DNTT: variants seen among roughly 807,000 people sequenced by gnomAD.
DNTT encodes DNA nucleotidylexotransferase.
Under a neutral mutation model 60.9 loss-of-function variants are expected in DNTT, and 47 were observed. The observed-to-expected ratio is 0.77, with a 90% CI of 0.61 to 0.98. The LOEUF is 0.98. Among genes scored for constraint, DNTT ranks in the 50% least tolerant of loss-of-function variants. The pLI, the probability that DNTT is intolerant of heterozygous loss-of-function variation, is 0.00. For missense variants in DNTT, 665 were observed against 627.5 expected (o/e 1.06, Z -0.64); for synonymous variants, 224 against 221.2 (o/e 1.01, Z -0.11).
chr10:96,326,996 C>T (rs1008784753), intron 6 of DNTT, among the ~76,000 whole-genome samples: 1 of 152,204 alleles, frequency 6.6e-6, no homozygotes, highest in Non-Finnish European at 1.5e-5. Flanking sequence ...AAGCAACAAG[C>T]TAAACCACCT....
At chr10:96,315,329 C>T (rs1399556037) in intron 1 of DNTT, among the ~76,000 whole-genome samples, 3 of 151,360 alleles carry the variant, frequency 2.0e-5, no homozygotes, top group African/African-American at 7.3e-5. Flanking sequence ...CTGAACTTAC[C>T]TTGTTGGGAA....
At chr10:96,334,078 A>G (rs570304077) in intron 9 of DNTT, among the ~76,000 whole-genome samples, 2 of 152,358 alleles carry the variant, frequency 1.3e-5, no homozygotes, top group Non-Finnish European at 1.5e-5. Flanking sequence ...ATATCATATT[A>G]TAACCCACAA....
At chr10:96,324,670 T>A (rs1844920242) in intron 6 of DNTT, among the ~76,000 whole-genome samples, 1 of 152,234 alleles carries the variant, frequency 6.6e-6, no homozygotes, top group South Asian at 2.1e-4. Context: ...GCCTCAGCAC[T>A]GTGTCTGACA....
chr10:96,326,608 A>G (rs1485306157), intron 6 of DNTT, among the ~76,000 whole-genome samples: 1 of 152,224 alleles, frequency 6.6e-6, no homozygotes, highest in African/African-American at 2.4e-5. Flanking sequence ...GGCAGGTGAA[A>G]TCGCAAAGAA....
In DNTT at chr10:96,304,676, G is replaced by T. The variant is rs1844612801; in HGVS notation, c.179G>T (p.Gly60Val). ...CTCATGGAGCTGGCCCGCAGGAAAG[G>T]GTTCAGGGTTGAAAATGAGCTCAGG... ...AFLMELARRK[G>V]FRVENELSDS... Residue 60 changes from glycine (G) to valine (V), a missense_variant, in exon 1 of 11, where the codon GGG becomes GTG. Physicochemically the swap from Gly to Val is moderately radical, Grantham distance 109. Coordinates refer to ENST00000371174, the MANE Select transcript of DNTT (RefSeq NM_004088.4). 2.5e-6 allele frequency: 4 copies of T among 1,614,024 alleles called. No individual in the cohort carries two copies. Among genetic ancestry groups the T allele is most frequent in the East Asian group, 4.5e-5 (2 of 44,844 alleles).
At chr10:96,312,769 G>T (rs1844736077) in intron 1 of DNTT, among the ~76,000 whole-genome samples, 1 of 152,166 alleles carries the variant, frequency 6.6e-6, no homozygotes, top group Non-Finnish European at 1.5e-5. Context: ...TGGGCCTCAG[G>T]TGCAATTCTC....
intron 9 of DNTT, among the ~76,000 whole-genome samples, chr10:96,333,969 T>G (rs1845037251): frequency 6.6e-6 from 1 of 152,196 alleles, no homozygotes; most frequent in African/African-American, 2.4e-5. Flanking sequence ...AGAGAGGATT[T>G]TTAATGTTCT....
In DNTT at chr10:96,324,385, A is replaced by G; in HGVS notation, c.870A>G (p.Lys290=). The change falls in exon 6 of 11, where the codon AAA becomes AAG. Residue 290 remains lysine (K), a synonymous_variant. Transcript: ENST00000371174. ...GCCTGAAATTTACACGAATGCAGAA[A>G]GCAGGTAAATTGTCTCTCCTAAAAG... ...DKSLKFTRMQ[K]AGFLYYEDLV... 6.2e-7 allele frequency: 1 copy of G among 1,613,766 alleles called. No homozygotes were observed. The highest frequency in any genetic ancestry group is 8.5e-7 in the Non-Finnish European group (1 of 1,179,740).
At chr10:96,316,628 T>C (rs1844789917) in intron 1 of DNTT, among the ~76,000 whole-genome samples, 1 of 152,208 alleles carries the variant, frequency 6.6e-6, no homozygotes. Context: ...TCCCTGTCCT[T>C]CTGGCCCCTG....
chr10:96,320,592 C>G, intron 3 of DNTT, 26 bp from the exon 4 acceptor site: 1 of 1,610,762 alleles, frequency 6.2e-7, no homozygotes, highest in South Asian at 1.1e-5. Context: ...AAGCAAATCT[C>G]CTGCTTATCT....
chr10:96,319,518 T>A, intron 3 of DNTT, 128 bp downstream of exon 3: 1 of 1,295,238 alleles, frequency 7.7e-7, no homozygotes, highest in Non-Finnish European at 1.1e-6. Context: ...CCTGCAGCCC[T>A]AGCCTGATCT....
chr10:96,336,626 T>C (rs1396121979), intron 10 of DNTT, among the ~76,000 whole-genome samples: 4 of 152,108 alleles, frequency 2.6e-5, no homozygotes, highest in Non-Finnish European at 1.5e-5. Flanking sequence ...ATAGGCTCCA[T>C]GGGGAAGAAA....
rs199731237 is a variant in DNTT, at chr10:96,332,595, G to A, written c.1358G>A (p.Arg453Gln). 9.1e-5 allele frequency: 147 copies of A among 1,612,748 alleles called. No homozygotes were observed. The highest frequency in any genetic ancestry group is 2.3e-4 in the Admixed American group (14 of 59,920). ...AFALLGWTGS[R>Q]QFERDLRRYA... is the part of the protein sequence containing the mutation. Reference sequence around the variant, plus strand: ...GCCCTGTTGGGATGGACTGGCTCCCGGGTAAGTGCTACATGGACCCATGGG... The same window carrying A: ...GCCCTGTTGGGATGGACTGGCTCCCAGGTAAGTGCTACATGGACCCATGGG... Residue 453 changes from arginine (R) to glutamine (Q), a missense_variant and splice_region_variant, in exon 9 of 11, where the codon CGG (arginine) becomes CAG (glutamine). Coordinates refer to ENST00000371174, the MANE Select transcript of DNTT (RefSeq NM_004088.4).
rs60412826 is a variant in DNTT, at chr10:96,322,766, T to C, written c.750+38T>C. ...ACATATATTTATTGAAAATTGTTTT[T>C]CAGTTAATCTTATTACTTATTCTGG... On this transcript the variant is annotated intron_variant, in intron 5 of 10. Transcript: ENST00000371174. 5.2e-3 allele frequency: 7,886 copies of C among 1,503,902 alleles called. 379 individuals carry two copies. The African/African-American group carries it at 0.094, about 18-fold the overall frequency. The allele number at this position is 1,503,902 out of a possible 1,614,324, so 93.2% of individuals were successfully genotyped here. A position where few individuals can be genotyped will look rare whatever the true frequency, so the allele number is the denominator to read the frequency against.
At chr10:96,334,638 T>C (rs1845046086) in intron 9 of DNTT, among the ~76,000 whole-genome samples, 1 of 152,200 alleles carries the variant, frequency 6.6e-6, no homozygotes, top group African/African-American at 2.4e-5. Flanking sequence ...ATCTTAGCAC[T>C]GGGATTTCTT....
chr10:96,332,410 C>G lies in DNTT; in HGVS notation c.1173C>G (p.Ser391Arg). Residue 391 changes from serine (S) to arginine (R), a missense_variant, in exon 9 of 11, where the codon AGC becomes AGG. Physicochemically the swap from Ser to Arg is moderately radical, Grantham distance 110 (BLOSUM62 -1). Transcript: ENST00000371174. ...ESTFEKLRLP[S>R]RKVDALDHFQ... is the part of the protein sequence containing the mutation. ...CATTTGAAAAGCTCAGGTTGCCTAGCAGGAAGGTTGATGCTTTGGATCATT... is the reference window on the plus strand; with the variant it reads ...CATTTGAAAAGCTCAGGTTGCCTAGGAGGAAGGTTGATGCTTTGGATCATT... The G allele has an allele frequency of 6.2e-7, 1 of 1,614,158 alleles. No individual in the cohort carries two copies. The highest frequency in any genetic ancestry group is 8.5e-7 in the Non-Finnish European group (1 of 1,180,026).
intron 1 of DNTT, among the ~76,000 whole-genome samples, chr10:96,311,732 C>A (rs1844716662): frequency 6.6e-6 from 1 of 152,236 alleles, no homozygotes; most frequent in African/African-American, 2.4e-5. Flanking sequence ...CAATCTCCAC[C>A]TCCTGGGTTC....
chr10:96,328,527 G>A (rs1312173307), intron 7 of DNTT, among the ~76,000 whole-genome samples, 198 bp from the exon 8 acceptor site: 5 of 152,076 alleles, frequency 3.3e-5, no homozygotes, highest in Admixed American at 6.6e-5. Flanking sequence ...TACATGCTAT[G>A]TATGACTTTT....
At chr10:96,314,660 C>A (rs570140638) in intron 1 of DNTT, among the ~76,000 whole-genome samples, 52 of 152,030 alleles carry the variant, frequency 3.4e-4, no homozygotes, top group Admixed American at 2.7e-3. Flanking sequence ...GATCTGCCCC[C>A]CTCAGCCTCC....
Sources: allele counts gnomAD v4.1 joint callset (sites outside exome capture counted in the v4.1 genomes callset), GRCh38; gene constraint gnomAD v4.1.1; transcripts MANE v1.5; gene names NCBI Gene and HGNC (gene_info 2026-07-23, HGNC 2026-07-21).